Variants in C2orf76 observed in about 807,000 individuals in gnomAD.
C2orf76 encodes chromosome 2 open reading frame 76.
A neutral mutation model predicts 16.9 loss-of-function variants in C2orf76; 23 were observed. The ratio of observed to expected loss-of-function variants is 1.36; its 90% CI spans 0.98 to 1.93. C2orf76 has a LOEUF of 1.93. Ranked by LOEUF, C2orf76 falls within the 30% of genes most tolerant of loss-of-function variation. The pLI is 0.00. For synonymous variants in C2orf76, 48 were observed against 52.3 expected, an observed-to-expected ratio of 0.92 and a Z score of 0.35; for missense variants, 152 against 152.6, an observed-to-expected ratio of 1.00 and a Z score of 0.02.
intron 1 of C2orf76, among the ~76,000 whole-genome samples, chr2:119,358,780 TTCA>T: frequency 6.6e-6 from 1 of 152,070 alleles, no homozygotes; most frequent in East Asian, 1.9e-4. Flanking sequence ...CAGAGGTTGG[TTCA>T]TGATGTTTAA....
intron 5 of C2orf76, among the ~76,000 whole-genome samples, chr2:119,307,627 C>T (rs905756040): frequency 1.3e-5 from 2 of 152,006 alleles, no homozygotes; most frequent in Non-Finnish European, 2.9e-5. Context: ...CAAATCACCC[C>T]GAGCCCAGGG....
chr2:119,333,613 G>A (rs1210490132), intron 2 of C2orf76, among the ~76,000 whole-genome samples: 1 of 152,232 alleles, frequency 6.6e-6, no homozygotes, highest in African/African-American at 2.4e-5. Flanking sequence ...TTGTGGGCCA[G>A]TCTCTGTCTC....
At chr2:119,296,777 C>T in the C2orf76 span, among the ~76,000 whole-genome samples, 1 of 152,190 alleles carries the variant, frequency 6.6e-6, no homozygotes, top group Non-Finnish European at 1.5e-5. Flanking sequence ...CCCAAGTGTT[C>T]CTTTGGCAAA....
the C2orf76 span, among the ~76,000 whole-genome samples, chr2:119,285,201 C>T: frequency 2.0e-5 from 3 of 152,140 alleles, no homozygotes; most frequent in Non-Finnish European, 1.5e-5. Flanking sequence ...ATCTACTGTG[C>T]ATAAAACCAT....
At chr2:119,295,198 G>T in the C2orf76 span, among the ~76,000 whole-genome samples, 1 of 152,124 alleles carries the variant, frequency 6.6e-6, no homozygotes, top group African/African-American at 2.4e-5. Flanking sequence ...GTACAGGAAG[G>T]TTTGTCTATG....
At chr2:119,340,031 C>A in intron 1 of C2orf76, 60 bp from the exon 2 acceptor site, 1 of 1,554,754 alleles carries the variant, frequency 6.4e-7, no homozygotes, top group Non-Finnish European at 8.8e-7. Context: ...TCTACCAGCA[C>A]CTAGCCTGCA....
chr2:119,340,123 C>G (rs1276400266), intron 1 of C2orf76, 152 bp from the exon 2 acceptor site: 1 of 759,326 alleles, frequency 1.3e-6, no homozygotes, highest in African/African-American at 1.7e-5. Flanking sequence ...AGCCAGGTTC[C>G]AGAGTCCCCA....
At chr2:119,353,959 A>G (rs1680486609) in intron 1 of C2orf76, among the ~76,000 whole-genome samples, 1 of 152,316 alleles carries the variant, frequency 6.6e-6, no homozygotes, top group East Asian at 1.9e-4. Context: ...AGGAGGAATC[A>G]GTTCTGGCGT....
rs571996072 is a variant in C2orf76, at chr2:119,328,385, G to A, written c.134-7181C>T. Among the ~76,000 whole-genome samples, 3 of 152,106 alleles carry A rather than the reference G, an allele frequency of 2.0e-5. No individual in the cohort carries two copies. The East Asian group carries it at 5.8e-4, about 29-fold the overall frequency. ...ATTTGTCCTCTTTATCTAGGATACT[G>A]TACTTATTAGCATTAAATTGTTAAG... On this transcript the variant is annotated intron_variant, in intron 2 of 5. Transcript: ENST00000334816.
At chr2:119,295,699 A>G in the C2orf76 span, among the ~76,000 whole-genome samples, 1 of 152,202 alleles carries the variant, frequency 6.6e-6, no homozygotes, top group Non-Finnish European at 1.5e-5. Context: ...TTGAGTCTCT[A>G]AGGCAGCATT....
downstream of C2orf76, among the ~76,000 whole-genome samples, chr2:119,301,961 C>T (rs1409870523): frequency 6.6e-6 from 1 of 151,400 alleles, no homozygotes; most frequent in Non-Finnish European, 1.5e-5. Flanking sequence ...TAAAACCTCC[C>T]TAAAATATAC....
chr2:119,326,203 G>A (rs966586660), intron 2 of C2orf76, among the ~76,000 whole-genome samples: 2 of 152,098 alleles, frequency 1.3e-5, no homozygotes, highest in Non-Finnish European at 2.9e-5. Context: ...ATGTTTTATA[G>A]TTTTACCTTT....
chr2:119,348,778 T>C (rs1680289694), intron 1 of C2orf76, among the ~76,000 whole-genome samples: 1 of 152,130 alleles, frequency 6.6e-6, no homozygotes. Flanking sequence ...GCAGGTTGTT[T>C]GAGTCCAGGA....
intron 2 of C2orf76, among the ~76,000 whole-genome samples, chr2:119,323,363 G>A (rs751234620): frequency 3.2e-4 from 48 of 151,972 alleles, no homozygotes; most frequent in Admixed American, 1.2e-3. Context: ...GATCAAATAC[G>A]TATCAAATTA....
chr2:119,284,188 C>T, the C2orf76 span, among the ~76,000 whole-genome samples: 1 of 152,182 alleles, frequency 6.6e-6, no homozygotes, highest in East Asian at 1.9e-4. Context: ...AGTTTCACAT[C>T]CTCCCAATCG....
At position 119,337,113 on chromosome 2, in the gene C2orf76, T is replaced by C. The variant is rs543665275; in HGVS notation, c.133+2714A>G. 2.6e-5 allele frequency among the ~76,000 whole-genome samples: 4 copies of C among 151,956 alleles called. No individual in the cohort carries two copies. The South Asian group carries it at 8.3e-4, about 32-fold the overall frequency. On this transcript the variant is annotated intron_variant, in intron 2 of 5. Transcript: ENST00000334816. ...CTCTGTGGTCCAGACTAGAGTGCAG[T>C]AGTGCAATCAAAGCTCACTGCAGCC...
At chr2:119,336,455 C>T in intron 2 of C2orf76, among the ~76,000 whole-genome samples, 1 of 151,316 alleles carries the variant, frequency 6.6e-6, no homozygotes, top group East Asian at 1.9e-4. Context: ...TAAATATATA[C>T]ATTTATATTT....
chr2:119,293,922 T>C, the C2orf76 span, among the ~76,000 whole-genome samples: 1 of 152,180 alleles, frequency 6.6e-6, no homozygotes, highest in African/African-American at 2.4e-5. Flanking sequence ...CTGAGGCATC[T>C]ATCAGAGGAT....
At chr2:119,360,233 C>T (rs1302715103) in intron 1 of C2orf76, among the ~76,000 whole-genome samples, 1 of 152,088 alleles carries the variant, frequency 6.6e-6, no homozygotes, top group Non-Finnish European at 1.5e-5. Context: ...GTAATCCCAA[C>T]ACTTTGGGAG....
Sources: allele counts gnomAD v4.1 joint callset (sites outside exome capture counted in the v4.1 genomes callset), GRCh38; gene constraint gnomAD v4.1.1; transcripts MANE v1.5; gene names NCBI Gene and HGNC (gene_info 2026-07-23, HGNC 2026-07-21).